Variants in LRRC4C observed in about 807,000 individuals in gnomAD.
LRRC4C encodes the protein leucine rich repeat containing 4C.
Under a neutral mutation model 33.6 loss-of-function variants are expected in LRRC4C, and 5 were observed. That is an observed-to-expected ratio of 0.15 (90% CI 0.08 to 0.31). The LOEUF (loss-of-function observed/expected upper bound fraction) is 0.31. Ranked by LOEUF, LRRC4C falls within the 10% of genes least tolerant of loss-of-function variation. LRRC4C has a pLI of 1.00. For synonymous variants in LRRC4C, 329 were observed against 302.0 expected (o/e 1.09, Z -0.93); for missense variants, 560 against 796.7 (o/e 0.70, Z 3.58).
chr11:41,112,431 C>A (rs1941887909), intron 1 of LRRC4C, among the ~76,000 whole-genome samples: 1 of 152,054 alleles, frequency 6.6e-6, no homozygotes, highest in African/African-American at 2.4e-5. Context: ...GTGGGCAAGG[C>A]AGCATGGGGT....
chr11:41,435,077 G>A (rs1955380161), intron 1 of LRRC4C, among the ~76,000 whole-genome samples: 1 of 152,112 alleles, frequency 6.6e-6, no homozygotes, highest in Non-Finnish European at 1.5e-5. Flanking sequence ...GACTGAGTGA[G>A]AATTAAAAGT....
intron 1 of LRRC4C, among the ~76,000 whole-genome samples, chr11:41,288,420 G>C (rs1305769026): frequency 3.3e-5 from 5 of 152,220 alleles, no homozygotes; most frequent in African/African-American, 1.2e-4. Flanking sequence ...TGGGGAGAGA[G>C]AGTGTATGAG....
chr11:40,490,117 T>C (rs1186744852), intron 3 of LRRC4C, among the ~76,000 whole-genome samples: 2 of 152,172 alleles, frequency 1.3e-5, no homozygotes, highest in Non-Finnish European at 2.9e-5. Flanking sequence ...ATAAATTTGT[T>C]AAATAAAATT....
intron 1 of LRRC4C, among the ~76,000 whole-genome samples, chr11:41,369,046 A>T (rs545399208): frequency 1.3e-5 from 2 of 152,286 alleles, no homozygotes; most frequent in East Asian, 3.9e-4. Context: ...ATTCCCTCTT[A>T]GAGCATTTTA....
chr11:40,988,830 C>T (rs754125946), intron 1 of LRRC4C, among the ~76,000 whole-genome samples: 10 of 149,922 alleles, frequency 6.7e-5, no homozygotes, highest in Non-Finnish European at 1.3e-4. Flanking sequence ...CATTCTCCTG[C>T]CTCAGCCTCC....
chr11:40,146,954 T>C (rs1033394979), intron 5 of LRRC4C, among the ~76,000 whole-genome samples: 9 of 152,156 alleles, frequency 5.9e-5, no homozygotes, highest in African/African-American at 2.2e-4. Context: ...AATTAAGTCA[T>C]TGCTTTCAAA....
At chr11:41,165,573 A>G (rs1483759850) in intron 1 of LRRC4C, among the ~76,000 whole-genome samples, 2 of 152,140 alleles carry the variant, frequency 1.3e-5, no homozygotes, top group Non-Finnish European at 2.9e-5. Flanking sequence ...AATAATCTAT[A>G]CAATGTCAGG....
intron 3 of LRRC4C, among the ~76,000 whole-genome samples, chr11:40,634,535 C>T (rs1963782347): frequency 6.6e-6 from 1 of 152,054 alleles, no homozygotes; most frequent in African/African-American, 2.4e-5. Context: ...AGTCTGACAA[C>T]TAAGATGTTC....
intron 1 of LRRC4C, among the ~76,000 whole-genome samples, chr11:41,058,884 T>C (rs2135346102): frequency 6.6e-6 from 1 of 152,214 alleles, no homozygotes; most frequent in East Asian, 1.9e-4. Flanking sequence ...GCCATAAAAA[T>C]GGAGATCATG....
chr11:40,880,184 C>T (rs556783127), intron 2 of LRRC4C, among the ~76,000 whole-genome samples: 9 of 152,104 alleles, frequency 5.9e-5, no homozygotes, highest in African/African-American at 1.7e-4. Flanking sequence ...GACTTTGAGG[C>T]GACTTCAGCT....
chr11:40,141,256 T>C (rs1416062242), intron 5 of LRRC4C, among the ~76,000 whole-genome samples: 1 of 152,162 alleles, frequency 6.6e-6, no homozygotes, highest in African/African-American at 2.4e-5. Context: ...AAATGGGATG[T>C]TAAGAATCTG....
At chr11:41,102,540 T>C (rs939805434) in intron 1 of LRRC4C, among the ~76,000 whole-genome samples, 4 of 152,088 alleles carry the variant, frequency 2.6e-5, no homozygotes, top group Admixed American at 2.6e-4. Flanking sequence ...TTCATACTTA[T>C]AGAAAAATCA....
At chr11:41,001,439 T>G (rs1328921431) in intron 1 of LRRC4C, among the ~76,000 whole-genome samples, 1 of 152,144 alleles carries the variant, frequency 6.6e-6, no homozygotes, top group Admixed American at 6.6e-5. Flanking sequence ...TCTTAAGACA[T>G]GCAAATAAGG....
At chr11:41,120,883 G>T (rs1942389616) in intron 1 of LRRC4C, among the ~76,000 whole-genome samples, 1 of 152,050 alleles carries the variant, frequency 6.6e-6, no homozygotes, top group Non-Finnish European at 1.5e-5. Flanking sequence ...AAGTGTGTGT[G>T]GCACTTCCCC....
intron 3 of LRRC4C, among the ~76,000 whole-genome samples, chr11:40,337,273 T>C (rs1270764099): frequency 1.3e-5 from 2 of 152,174 alleles, no homozygotes; most frequent in South Asian, 2.1e-4. Flanking sequence ...AGTAAGGCTT[T>C]ACAGACGAAG....
intron 1 of LRRC4C, among the ~76,000 whole-genome samples, chr11:41,234,611 C>T (rs1351481591): frequency 6.6e-6 from 1 of 151,890 alleles, no homozygotes; most frequent in Non-Finnish European, 1.5e-5. Context: ...TTTGGTGAAT[C>T]TCTGGTAGAA....
rs1944942643 is a variant in LRRC4C at position 40,304,734 on chromosome 11, C to T, written c.-176+14894G>A. Among the ~76,000 whole-genome samples the T allele has an allele frequency of 2.6e-5, 4 of 151,564 alleles. No individual in the cohort carries two copies. In the South Asian group the frequency reaches 8.3e-4, roughly 32 times the overall value. On this transcript the variant is annotated intron_variant, in intron 4 of 6. Coordinates refer to ENST00000528697, the MANE Select transcript of LRRC4C (RefSeq NM_001258419.2). ...TTCTCAACTTCTTTTAGACTTTCAA[C>T]CTTTTTTTTTTTTTTGAGACAGAGT...
At chr11:40,911,409 C>T (rs1473823631) in intron 2 of LRRC4C, among the ~76,000 whole-genome samples, 1 of 152,176 alleles carries the variant, frequency 6.6e-6, no homozygotes, top group Non-Finnish European at 1.5e-5. Context: ...GTTCTGCATC[C>T]TCTGACGCTG....
intron 4 of LRRC4C, among the ~76,000 whole-genome samples, chr11:40,275,046 T>C (rs1943000369): frequency 6.6e-6 from 1 of 152,176 alleles, no homozygotes; most frequent in Admixed American, 6.6e-5. Context: ...TGACTTTATA[T>C]CTTGCTAAGC....
Sources: allele counts gnomAD v4.1 joint callset (sites outside exome capture counted in the v4.1 genomes callset), GRCh38; gene constraint gnomAD v4.1.1; transcripts MANE v1.5; gene names NCBI Gene and HGNC (gene_info 2026-07-23, HGNC 2026-07-21).